Variants in DGKZ observed in about 807,000 individuals in gnomAD.
The protein encoded by DGKZ is diacylglycerol kinase zeta.
In DGKZ, 45 loss-of-function variants were observed where a neutral mutation model predicts 142.5. The observed-to-expected ratio is 0.32, with a 90% confidence interval of 0.25 to 0.40. DGKZ has a LOEUF of 0.40. Among genes scored for constraint, DGKZ ranks in the 10% least tolerant of loss-of-function variants. The pLI, the probability that DGKZ is intolerant of heterozygous loss-of-function variation, is 1.00. For synonymous variants in DGKZ, 442 were observed against 527.0 expected, an observed-to-expected ratio of 0.84 and a Z score of 2.21; for missense variants, 755 against 1,306.5, an observed-to-expected ratio of 0.58 and a Z score of 6.51.
At chr11:46,343,245 C>G (rs576095984), upstream of DGKZ, among the ~76,000 whole-genome samples, 1 of 152,286 alleles carries the variant, frequency 6.6e-6, no homozygotes, top group African/African-American at 2.4e-5. Context: ...CAGAAATGTT[C>G]AGGAACTATT....
intron 14 of DGKZ, among the ~76,000 whole-genome samples, chr11:46,373,534 G>C (rs574430978): frequency 6.8e-6 from 1 of 146,460 alleles, no homozygotes; most frequent in Non-Finnish European, 1.5e-5. Flanking sequence ...GAGTCTCACT[G>C]TCACCCAGGC....
chr11:46,373,993 G>A (rs1306923265), intron 14 of DGKZ, among the ~76,000 whole-genome samples, 164 bp from the exon 15 acceptor site: 2 of 152,224 alleles, frequency 1.3e-5, no homozygotes, highest in Non-Finnish European at 2.9e-5. Flanking sequence ...GGCAGAGCAG[G>A]GCTGTGCCTG....
At chr11:46,374,534 AGGAGCCCTGCCGG>A in intron 16 of DGKZ, 57 bp from the exon 17 acceptor site, 1 of 1,611,514 alleles carries the variant, frequency 6.2e-7, no homozygotes, top group Non-Finnish European at 8.5e-7. Flanking sequence ...ACCAGGCCCC[AGGAGCCCTGCCGG>A]GTGCTGGTGA....
At chr11:46,369,341 C>A in intron 4 of DGKZ, 153 bp from the exon 5 acceptor site, 2 of 816,234 alleles carry the variant, frequency 2.5e-6, no homozygotes, top group Non-Finnish European at 4.1e-6. Context: ...GGGCTTCTCA[C>A]AGGAGGTGTC....
chr11:46,363,983 A>C (rs1942977732), intron 1 of DGKZ, among the ~76,000 whole-genome samples: 3 of 152,122 alleles, frequency 2.0e-5, no homozygotes, highest in Non-Finnish European at 4.4e-5. Context: ...CCATCTCTAG[A>C]ATGGAGCTGC....
Position 46,372,336 on chromosome 11 carries a change from C to A in DGKZ, c.928-92C>A. The A allele has an allele frequency of 1.4e-6, 2 of 1,448,412 alleles. No homozygotes were observed. The highest frequency in any genetic ancestry group is 2.4e-5 in the South Asian group (2 of 84,714). The allele number at this position is 1,448,412 out of a possible 1,614,324, so 89.7% of individuals were successfully genotyped here. A position where few individuals can be genotyped will look rare whatever the true frequency, so the allele number is the denominator to read the frequency against. Reference sequence around the variant, plus strand: ...TTCTCCACCCCTCACCCCTTATTGGCCCTGGTTCCCACAGTCACACCCCTC... The same window carrying A: ...TTCTCCACCCCTCACCCCTTATTGGACCTGGTTCCCACAGTCACACCCCTC... On this transcript the variant is annotated intron_variant, in intron 10 of 30. Coordinates refer to ENST00000527911, the Ensembl canonical transcript of DGKZ. This position sits in a 1 kb window ranked among gnomAD's most constrained non-coding sequence, Gnocchi z 5.9.
chr11:46,345,927 C>G (rs1940568061), upstream of DGKZ, among the ~76,000 whole-genome samples: 1 of 152,154 alleles, frequency 6.6e-6, no homozygotes, highest in Admixed American at 6.5e-5. This position sits in a 1 kb window ranked among gnomAD's most constrained non-coding sequence, Gnocchi z 4.1. Flanking sequence ...TGCCTCTGAT[C>G]TCTTCTCTCA....
At position 46,362,549 on chromosome 11, in the gene DGKZ, GC is replaced by G. The variant is rs1278070217; in HGVS notation, c.162-4741del. ...CCTGCTGTCTGCCAGGTATCACCAG[GC>G]ACTCTCTCTCTGTCATCGCATCCAG... is the stretch of plus-strand genomic sequence containing the variant. On this transcript the variant is annotated intron_variant, in intron 1 of 30. Transcript: ENST00000527911. Among the ~76,000 whole-genome samples, 4 of 152,064 alleles carry G rather than the reference GC, an allele frequency of 2.6e-5. No individual in the cohort carries two copies. The East Asian group carries it at 7.7e-4, about 29-fold the overall frequency.
rs545907851 is a variant in DGKZ, at chr11:46,366,984, C to T, written c.162-307C>T. The stretch of plus-strand genomic sequence containing the variant: ...CCCCAGGCCTGGAGCGCCCTGCTCG[C>T]GTAGGTATAGCTGTGGCCAGCAGGG... On this transcript the variant is annotated intron_variant, in intron 1 of 30. Coordinates refer to ENST00000527911, the Ensembl canonical transcript of DGKZ. 7.7e-5 allele frequency: 118 copies of T among 1,524,692 alleles called. 1 individual carries two copies. Among genetic ancestry groups the T allele is most frequent in the Middle Eastern group, 4.6e-4 (2 of 4,330 alleles). The allele number at this position is 1,524,692 out of a possible 1,614,324, so 94.4% of individuals were successfully genotyped here.
intron 5 of DGKZ, 92 bp from the exon 6 acceptor site, chr11:46,369,849 T>C: frequency 5.7e-6 from 8 of 1,402,952 alleles, no homozygotes; most frequent in Non-Finnish European, 1.0e-6. Flanking sequence ...GAGCGCTTCC[T>C]GCAGCCCCGT....
chr11:46,375,297 C>T, intron 19 of DGKZ, 135 bp from the exon 20 acceptor site: 1 of 1,052,498 alleles, frequency 9.5e-7, no homozygotes, highest in Non-Finnish European at 1.4e-6. Context: ...GTCTCAGCCT[C>T]CCCTCTGCCC....
chr11:46,370,103 C>G, intron 6 of DGKZ, 94 bp downstream of exon 6: 2 of 1,505,228 alleles, frequency 1.3e-6, no homozygotes, highest in Non-Finnish European at 1.8e-6. Flanking sequence ...CTGACCACAC[C>G]CTGGTGTGCA....
At chr11:46,352,075 A>G (rs1941451288) in intron 1 of DGKZ, among the ~76,000 whole-genome samples, 2 of 152,110 alleles carry the variant, frequency 1.3e-5, no homozygotes, top group African/African-American at 4.8e-5. Context: ...AGTGAGAGAA[A>G]CGGGCCTGCC....
At chr11:46,333,081 G>C (rs969646799) in exon 1 of DGKZ, 1 of 414,936 alleles carries the variant, frequency 2.4e-6, no homozygotes, top group Non-Finnish European at 4.0e-6. Context: ...GGAGGACCCC[G>C]GCCCGCCTCT....
chr11:46,345,502 G>T (rs762591982), upstream of DGKZ: 1 of 1,516,730 alleles, frequency 6.6e-7, no homozygotes, highest in East Asian at 2.7e-5. This position sits in a 1 kb window ranked among gnomAD's most constrained non-coding sequence, Gnocchi z 4.1. Context: ...CGGAAGAAGG[G>T]GAGCGGCCGG....
intron 1 of DGKZ, chr11:46,365,313 G>A (rs1943123854): frequency 2.0e-6 from 2 of 985,280 alleles, no homozygotes; most frequent in African/African-American, 3.5e-5. Flanking sequence ...GAGTCAGAAG[G>A]GTTTCCCGGC....
Position 46,367,466 on chromosome 11 carries a change from G to A in DGKZ, c.270+67G>A. ...CTTGGCCAAGGCGCAGCTGGCGGGTGGAGGCACTAAAGGCAGCTGGGAGAG... is the reference window on the plus strand; with the variant it reads ...CTTGGCCAAGGCGCAGCTGGCGGGTAGAGGCACTAAAGGCAGCTGGGAGAG... On this transcript the variant is annotated intron_variant, in intron 2 of 30. Transcript: ENST00000527911. The surrounding 1 kb of genome is among the most constrained non-coding windows in gnomAD (Gnocchi z 4.1). The A allele has an allele frequency of 6.5e-7, 1 of 1,544,396 alleles. No homozygotes were observed. Among genetic ancestry groups the A allele is most frequent in the Non-Finnish European group, 8.9e-7 (1 of 1,129,316 alleles).
chr11:46,356,033 A>T (rs1941984837), intron 1 of DGKZ, among the ~76,000 whole-genome samples: 1 of 152,092 alleles, frequency 6.6e-6, no homozygotes, highest in Non-Finnish European at 1.5e-5. Context: ...GGCATGAGCC[A>T]CCCGCCCGGC....
chr11:46,335,409 A>G (rs952818482), intron 1 of DGKZ, among the ~76,000 whole-genome samples: 2 of 151,306 alleles, frequency 1.3e-5, no homozygotes, highest in Non-Finnish European at 2.9e-5. Flanking sequence ...TGAGATAGAA[A>G]ATGTTGCACA....
Sources: allele counts gnomAD v4.1 joint callset (sites outside exome capture counted in the v4.1 genomes callset), GRCh38; gene constraint gnomAD v4.1.1; non-coding constraint Gnocchi (gnomAD v3.1); transcripts MANE v1.5; gene names NCBI Gene and HGNC (gene_info 2026-07-23, HGNC 2026-07-21).